ODAD4: variants seen among roughly 807,000 people sequenced by gnomAD.
ODAD4 encodes outer dynein arm docking complex subunit 4.
ODAD4 carries 49 observed loss-of-function variants against 51.8 expected under a neutral mutation model. The ratio of observed to expected loss-of-function variants is 0.95; its 90% CI spans 0.75 to 1.20. ODAD4 has a LOEUF of 1.20. Ranked by LOEUF, ODAD4 falls within the 50% of genes most tolerant of loss-of-function variation. ODAD4 has a pLI of 0.00. For synonymous variants in ODAD4, 235 were observed against 221.3 expected, an observed-to-expected ratio of 1.06 and a Z score of -0.55; for missense variants, 590 against 586.5, an observed-to-expected ratio of 1.01 and a Z score of -0.06.
chr17:41,938,439 A>T (rs889702900), intron 5 of ODAD4, 118 bp from the exon 6 acceptor site: 1 of 807,540 alleles, frequency 1.2e-6, no homozygotes, highest in African/African-American at 1.7e-5. Context: ...CTCTGTTTCA[A>T]CAACTCCAAG....
intron 7 of ODAD4, among the ~76,000 whole-genome samples, chr17:41,944,423 CACACACACACACA>C (rs2050551984): frequency 1.2e-4 from 1 of 8,230 alleles, no homozygotes; most frequent in African/African-American, 1.9e-4. Flanking sequence ...CACACACACA[CACACACACACACA>C]CACACACACC....
At position 41,945,219 on chromosome 17, in the gene ODAD4, A is replaced by G. The variant is rs1555639339; in HGVS notation, c.1142A>G (p.Asp381Gly). ...GTTGGGAAATTCCAGCAAGCCATTGACACGTGAGTGACCAAGAATTGCCTC... is the reference window on the plus strand; with the variant it reads ...GTTGGGAAATTCCAGCAAGCCATTGGCACGTGAGTGACCAAGAATTGCCTC... ...ARVGKFQQAI[D>G]TWEEKIPLAK... The change falls in exon 8 of 12, where the codon GAC becomes GGC. Residue 381 changes from aspartate (D) to glycine (G), a missense_variant. Around this residue, in one of 3 missense-constraint regions of ODAD4, gnomAD observed 226 missense variants for 162.7 expected, o/e 1.39. Transcript: ENST00000377540. 3.1e-6 allele frequency: 5 copies of G among 1,611,786 alleles called. No individual in the cohort carries two copies. In the East Asian group the frequency reaches 1.1e-4, roughly 36 times the overall value.
At chr17:41,937,272 T>A (rs1282261371) in intron 5 of ODAD4, among the ~76,000 whole-genome samples, 1 of 152,192 alleles carries the variant, frequency 6.6e-6, no homozygotes, top group Non-Finnish European at 1.5e-5. Context: ...CTTCAATCCT[T>A]ACAATGGGCA....
chr17:41,957,121 G>T (rs1316099307), intron 10 of ODAD4, among the ~76,000 whole-genome samples: 1 of 151,922 alleles, frequency 6.6e-6, no homozygotes, highest in Non-Finnish European at 1.5e-5. Flanking sequence ...ACCCAGGCTG[G>T]TATCAAACTC....
At chr17:41,963,772 C>CTT (rs544280636) in intron 11 of ODAD4, among the ~76,000 whole-genome samples, 5 of 115,222 alleles carry the variant, frequency 4.3e-5, no homozygotes, top group African/African-American at 1.4e-4. Context: ...GCCACTGTGC[C>CTT]TTTTTTTTTT....
rs2050460911 is a variant in ODAD4, at chr17:41,938,629, A to T, written c.698A>T (p.Asp233Val). 16 of 1,613,858 alleles carry T rather than the reference A, an allele frequency of 9.9e-6. No homozygotes were observed. Among genetic ancestry groups the T allele is most frequent in the African/African-American group, 1.3e-5 (1 of 74,940 alleles). ...DLIMTGINYL[D>V]THSNFWRQQK... Reference sequence around the variant, plus strand: ...ATCATGACGGGCATCAACTACCTGGATACTCACAGCAACTTCTGGAGGCAG... The same window carrying T: ...ATCATGACGGGCATCAACTACCTGGTTACTCACAGCAACTTCTGGAGGCAG... The change falls in exon 6 of 12, where the codon GAT (aspartate) becomes GTT (valine). Residue 233 changes from aspartate to valine, a missense_variant. Asp to Val is a radical substitution (Grantham distance 152). Coordinates refer to ENST00000377540, the MANE Select transcript of ODAD4 (RefSeq NM_031421.5).
intron 8 of ODAD4, among the ~76,000 whole-genome samples, chr17:41,946,991 C>T (rs1433048440): frequency 6.6e-6 from 1 of 151,864 alleles, no homozygotes; most frequent in Non-Finnish European, 1.5e-5. Flanking sequence ...GTGGGGACTA[C>T]AGGCGCCCGC....
At chr17:41,956,973 T>C (rs781874449) in intron 10 of ODAD4, among the ~76,000 whole-genome samples, 1 of 152,166 alleles carries the variant, frequency 6.6e-6, no homozygotes, top group Non-Finnish European at 1.5e-5. Flanking sequence ...GGTGAGATCA[T>C]AGCTTACTGT....
Position 41,965,098 on chromosome 17 carries a change from A to G in ODAD4, c.1634A>G (p.Glu545Gly). The G allele has an allele frequency of 1.3e-6, 1 of 770,656 alleles. No homozygotes were observed. Among genetic ancestry groups the G allele is most frequent in the South Asian group, 1.4e-5 (1 of 72,416 alleles). 47.7% of individuals were successfully genotyped at this position (770,656 alleles called of 1,614,324 possible). A position where few individuals can be genotyped will look rare whatever the true frequency, so the allele number is the denominator to read the frequency against. ...AAGCAGTGGGACCATAGTGAGGATG[A>G]GAAAGAGACAGATGAGGACGATGAG... ...VVKQWDHSED[E>G]KETDEDDEAF... The change falls in exon 12 of 12, where the codon GAG (glutamate) becomes GGG (glycine). Residue 545 changes from glutamate to glycine, a missense_variant. Glu to Gly is a moderately conservative substitution (Grantham distance 98, BLOSUM62 -2). This residue lies in a region of ODAD4 where 226 missense variants were observed against 162.7 expected (regional missense o/e 1.39). Coordinates refer to ENST00000377540, the MANE Select transcript of ODAD4 (RefSeq NM_031421.5).
chr17:41,933,567 G>A (rs2050379670), intron 1 of ODAD4, among the ~76,000 whole-genome samples: 2 of 152,104 alleles, frequency 1.3e-5, no homozygotes, highest in South Asian at 4.1e-4. Flanking sequence ...CAGGAGAATT[G>A]CTTGAACCCG....
At chr17:41,952,746 T>G (rs1270248491) in intron 9 of ODAD4, 4 of 487,510 alleles carry the variant, frequency 8.2e-6, no homozygotes, top group African/African-American at 7.9e-5. Flanking sequence ...TTTCTTCTTT[T>G]TTGAGATAGA....
chr17:41,935,429 C>T (rs1445220424), intron 2 of ODAD4, 81 bp downstream of exon 2: 31 of 1,560,424 alleles, frequency 2.0e-5, no homozygotes, highest in Non-Finnish European at 2.6e-5. Context: ...CAAGTAGAAC[C>T]AGCCAGACTG....
In ODAD4 at chr17:41,935,918, G is replaced by A. The variant is rs80166601; in HGVS notation, c.397+169G>A. On this transcript the variant is annotated intron_variant, in intron 3 of 11. Coordinates refer to ENST00000377540, the MANE Select transcript of ODAD4 (RefSeq NM_031421.5). ...TTGAGGATTAGCCGGGCATGGTGGCGGGCACCACCTGTCTGCTGGGAGGAC... is the reference window on the plus strand; with the variant it reads ...TTGAGGATTAGCCGGGCATGGTGGCAGGCACCACCTGTCTGCTGGGAGGAC... Among the ~76,000 whole-genome samples, 36 of 152,302 alleles carry A rather than the reference G, an allele frequency of 2.4e-4. No homozygotes were observed. The East Asian group carries it at 6.7e-3, about 29-fold the overall frequency.
chr17:41,955,795 C>A (rs2050724233), intron 10 of ODAD4, among the ~76,000 whole-genome samples: 1 of 152,096 alleles, frequency 6.6e-6, no homozygotes, highest in Non-Finnish European at 1.5e-5. Flanking sequence ...CTATTACATT[C>A]TGTTTTCTTA....
At chr17:41,945,074 T>C (rs2144510524) in intron 7 of ODAD4, 62 bp from the exon 8 acceptor site, 1 of 1,374,466 alleles carries the variant, frequency 7.3e-7, no homozygotes, top group African/African-American at 1.4e-5. Context: ...TTCTTTCCTA[T>C]TTCCACAGTG....
At position 41,930,760 on chromosome 17, in the gene ODAD4, T is replaced by C. The variant is rs1555636610; in HGVS notation, c.37T>C (p.Phe13Leu). 7 of 1,611,376 alleles carry C rather than the reference T, an allele frequency of 4.3e-6. No individual in the cohort carries two copies. Among genetic ancestry groups the C allele is most frequent in the East Asian group, 2.2e-5 (1 of 44,844 alleles). The change falls in exon 1 of 12, where the codon TTT (phenylalanine) becomes CTT (leucine). Residue 13 changes from phenylalanine (F) to leucine (L), a missense_variant. By Grantham distance (22) the Phe-to-Leu change is conservative. Coordinates refer to ENST00000377540, the MANE Select transcript of ODAD4 (RefSeq NM_031421.5). ...DPEGETLRST[F>L]PSYMAEGERL... is the part of the protein sequence containing the mutation. Reference sequence around the variant, plus strand: ...CGAAGGCGAGACCTTGCGAAGCACCTTTCCCTCTTATATGGCCGAAGGCGA... The same window carrying C: ...CGAAGGCGAGACCTTGCGAAGCACCCTTCCCTCTTATATGGCCGAAGGCGA...
intron 9 of ODAD4, chr17:41,952,793 C>T (rs1475140386): frequency 3.8e-5 from 14 of 368,100 alleles, no homozygotes; most frequent in Non-Finnish European, 6.2e-5. Context: ...TGCAGTGTCA[C>T]GTCCCTGCAT....
At position 41,961,478 on chromosome 17, in the gene ODAD4, A is replaced by T. The variant is rs367685135; in HGVS notation, c.1528+12A>T. 1.9e-4 allele frequency: 134 copies of T among 721,926 alleles called. No individual in the cohort carries two copies. In the African/African-American group the frequency reaches 2.1e-3, roughly 11 times the overall value. 44.7% of individuals were successfully genotyped at this position (721,926 alleles called of 1,614,324 possible). On this transcript the variant is annotated intron_variant, in intron 11 of 11. Transcript: ENST00000377540. ...AAAAAGCGAGGGAGGTGAGTTCCTG[A>T]AACTCTGAAAAGGCAACTTCAGCAT...
Position 41,957,508 on chromosome 17 carries a change from T to C in ODAD4, c.1443+2191T>C, listed in dbSNP as rs548872821. Among the ~76,000 whole-genome samples the C allele has an allele frequency of 2.0e-5, 3 of 152,286 alleles. No individual in the cohort carries two copies. The South Asian group carries it at 6.2e-4, about 32-fold the overall frequency. The stretch of plus-strand genomic sequence containing the variant: ...TCCTAACAGGCCATGGACCAGTCAG[T>C]GGCCCAGGGTCTAAATTGACGTTAG... On this transcript the variant is annotated intron_variant, in intron 10 of 11. Coordinates refer to ENST00000377540, the MANE Select transcript of ODAD4 (RefSeq NM_031421.5).
Sources: allele counts gnomAD v4.1 joint callset (sites outside exome capture counted in the v4.1 genomes callset), GRCh38; gene constraint gnomAD v4.1.1; regional missense constraint gnomAD v4.1.1; transcripts MANE v1.5; gene names NCBI Gene and HGNC (gene_info 2026-07-23, HGNC 2026-07-21).